CACNA1S: variants seen among roughly 807,000 people sequenced by gnomAD.
CACNA1S encodes voltage-dependent L-type calcium channel subunit alpha-1S.
Under a neutral mutation model 207.4 loss-of-function variants are expected in CACNA1S, and 126 were observed. The ratio of observed to expected loss-of-function variants is 0.61; its 90% CI spans 0.53 to 0.70. CACNA1S has a LOEUF of 0.70. Among genes scored for constraint, CACNA1S ranks in the 30% least tolerant of loss-of-function variants. The pLI is 0.00. For missense variants in CACNA1S, 2,349 were observed against 2,422.8 expected (o/e 0.97, Z 0.64); for synonymous variants, 960 against 932.7 (o/e 1.03, Z -0.53).
At chr1:201,102,272 C>T (rs1662702733) in intron 2 of CACNA1S, among the ~76,000 whole-genome samples, 1 of 152,120 alleles carries the variant, frequency 6.6e-6, no homozygotes, top group Non-Finnish European at 1.5e-5. Context: ...ACAGCAGAGG[C>T]CAGACACTCT....
At chr1:201,105,497 C>A (rs1174390855) in intron 2 of CACNA1S, among the ~76,000 whole-genome samples, 1 of 152,194 alleles carries the variant, frequency 6.6e-6, no homozygotes, top group Non-Finnish European at 1.5e-5. Flanking sequence ...GGCTCAAAAG[C>A]AGATTCTAGC....
In CACNA1S at chr1:201,043,454, CTGAT is replaced by C. The variant is rs1572019465; in HGVS notation, c.4871_4874del (p.Asn1624ArgfsTer9). The stretch of plus-strand genomic sequence containing the variant: ...CTATCTCAGCAAACTGGAGGGGTCT[CTGAT>C]TGGCCATGACGGGGGGCAGGGAGTT... On this transcript the variant is annotated frameshift_variant, in exon 40 of 44. Coordinates refer to ENST00000362061, the MANE Select transcript of CACNA1S (RefSeq NM_000069.3). LOFTEE classifies it high-confidence loss of function. 2 of 1,614,112 alleles carry C rather than the reference CTGAT, an allele frequency of 1.2e-6. No homozygotes were observed. The highest frequency in any genetic ancestry group is 1.7e-6 in the Non-Finnish European group (2 of 1,180,026).
At chr1:201,059,081 C>T (rs748351521) in intron 27 of CACNA1S, 108 bp downstream of exon 27, 85 of 718,330 alleles carry the variant, frequency 1.2e-4, no homozygotes, top group Non-Finnish European at 1.6e-4. Context: ...AGCAGAAGTG[C>T]TGGGCAAAGG....
chr1:201,077,114 G>A lies in CACNA1S; in HGVS notation c.1633C>T (p.Leu545=). 3 of 1,614,060 alleles carry A rather than the reference G, an allele frequency of 1.9e-6. No individual in the cohort carries two copies. The highest frequency in any genetic ancestry group is 2.5e-6 in the Non-Finnish European group (3 of 1,179,934). Residue 545 remains leucine (L), a synonymous_variant, in exon 12 of 44, where the codon CTG becomes TTG. Transcript: ENST00000362061. ...AGCAGGGATGCCACCAGGTTGCTCAGCGACGTCCAATATCTGAAGGAAGAG... is the reference window on the plus strand; with the variant it reads ...AGCAGGGATGCCACCAGGTTGCTCAACGACGTCCAATATCTGAAGGAAGAG... ...IFKITKYWTS[L]SNLVASLLNS... is the part of the protein sequence containing the mutation.
intron 2 of CACNA1S, among the ~76,000 whole-genome samples, chr1:201,107,663 G>C (rs912232497): frequency 2.0e-5 from 3 of 152,174 alleles, no homozygotes; most frequent in Non-Finnish European, 4.4e-5. Context: ...ACCCTTCTCT[G>C]CTACCTACAA....
At chr1:201,081,827 C>T (rs1341758920) in intron 10 of CACNA1S, among the ~76,000 whole-genome samples, 1 of 152,082 alleles carries the variant, frequency 6.6e-6, no homozygotes, top group Non-Finnish European at 1.5e-5. Context: ...GTGTGTGGCA[C>T]CTCCCCTCCC....
chr1:201,047,032 C>A, intron 38 of CACNA1S, 83 bp downstream of exon 38: 1 of 1,579,980 alleles, frequency 6.3e-7, no homozygotes, highest in Non-Finnish European at 8.7e-7. Flanking sequence ...TCATTGGCCC[C>A]TCAAGGACAT....
Position 201,066,783 on chromosome 1 carries a change from TC to T in CACNA1S, c.2657+103del. 2.3e-6 allele frequency: 2 copies of T among 854,558 alleles called. No homozygotes were observed. Among genetic ancestry groups the T allele is most frequent in the South Asian group, 2.8e-5 (2 of 71,394 alleles). 52.9% of individuals were successfully genotyped at this position (854,558 alleles called of 1,614,324 possible). A position where few individuals can be genotyped will look rare whatever the true frequency, so the allele number is the denominator to read the frequency against. On this transcript the variant is annotated intron_variant, in intron 20 of 43. Coordinates refer to ENST00000362061, the MANE Select transcript of CACNA1S (RefSeq NM_000069.3). This position sits in a 1 kb window ranked among gnomAD's most constrained non-coding sequence, Gnocchi z 4.3. ...CATCGGAGGCCCCGAGAGACCCTCC[TC>T]TTGTGGCAGGGGCCCACCAACATGG... is the stretch of plus-strand genomic sequence containing the variant.
rs1391966061 is a variant in CACNA1S, at chr1:201,066,189, C to A, written c.2745+40G>T. 12 of 1,585,936 alleles carry A rather than the reference C, an allele frequency of 7.6e-6. No homozygotes were observed. The highest frequency in any genetic ancestry group is 1.0e-5 in the Non-Finnish European group (12 of 1,154,462). ...GAGCGAGGAGGCCCCTGTAACCCCT[C>A]CCATTCCTCTCTGGGGCTCCTGCCC... On this transcript the variant is annotated intron_variant, in intron 21 of 43. Coordinates refer to ENST00000362061, the MANE Select transcript of CACNA1S (RefSeq NM_000069.3). This position sits in a 1 kb window ranked among gnomAD's most constrained non-coding sequence, Gnocchi z 4.3.
At position 201,054,512 on chromosome 1, in the gene CACNA1S, C is replaced by T. The variant is rs766702048; in HGVS notation, c.3659G>A (p.Gly1220Glu). 1 of 1,613,904 alleles carries T rather than the reference C, an allele frequency of 6.2e-7. No homozygotes were observed. The highest frequency in any genetic ancestry group is 2.2e-5 in the East Asian group (1 of 44,870). The part of the protein sequence containing the change: ...GGLYCLGGGC[G>E]NVDPDESARI... ...CGTGCAGCCTGAAATTACAACGTTCCCGCAGCCTCCACCCAGGCAATACAG... is the reference window on the plus strand; with the variant it reads ...CGTGCAGCCTGAAATTACAACGTTCTCGCAGCCTCCACCCAGGCAATACAG... The change falls in exon 29 of 44, where the codon GGG becomes GAG. Residue 1220 changes from glycine (G) to glutamate (E), a missense_variant. Gly to Glu is a moderately conservative substitution (Grantham distance 98, BLOSUM62 -2). Transcript: ENST00000362061.
At chr1:201,063,282 A>C (rs1661133844) in intron 22 of CACNA1S, among the ~76,000 whole-genome samples, 2 of 151,476 alleles carry the variant, frequency 1.3e-5, no homozygotes, top group Non-Finnish European at 2.9e-5. Flanking sequence ...TTTGAAGGAA[A>C]GTAGTGGATG....
chr1:201,087,692 C>A, intron 7 of CACNA1S, 134 bp downstream of exon 7: 3 of 688,568 alleles, frequency 4.4e-6, no homozygotes, highest in Non-Finnish European at 7.8e-6. Flanking sequence ...CTTCCTCCTC[C>A]TCCCTTCTCT....
Position 201,066,760 on chromosome 1 carries a change from T to G in CACNA1S, c.2657+127A>C. On this transcript the variant is annotated intron_variant, in intron 20 of 43. Transcript: ENST00000362061. This position sits in a 1 kb window ranked among gnomAD's most constrained non-coding sequence, Gnocchi z 4.3. ...CAACCCACAGGACCCCCTGCCTCCATCGGAGGCCCCGAGAGACCCTCCTCT... is the reference window on the plus strand; with the variant it reads ...CAACCCACAGGACCCCCTGCCTCCAGCGGAGGCCCCGAGAGACCCTCCTCT... 1 of 737,254 alleles carries G rather than the reference T, an allele frequency of 1.4e-6. No individual in the cohort carries two copies. Among genetic ancestry groups the G allele is most frequent in the Non-Finnish European group, 2.4e-6 (1 of 411,002 alleles). 45.7% of individuals were successfully genotyped at this position (737,254 alleles called of 1,614,324 possible).
intron 24 of CACNA1S, 46 bp from the exon 25 acceptor site, chr1:201,061,514 G>A: frequency 6.4e-7 from 1 of 1,571,116 alleles, no homozygotes; most frequent in East Asian, 2.2e-5. Context: ...GGGGTGACAA[G>A]GCAGAGAGTC....
chr1:201,054,131 C>T (rs1660750086), intron 29 of CACNA1S, among the ~76,000 whole-genome samples: 1 of 152,370 alleles, frequency 6.6e-6, no homozygotes, highest in Non-Finnish European at 1.5e-5. Context: ...ACGAAATACT[C>T]TGGAAGGGGA....
intron 2 of CACNA1S, among the ~76,000 whole-genome samples, chr1:201,105,045 G>T (rs1171413930): frequency 1.3e-5 from 2 of 152,258 alleles, no homozygotes; most frequent in Non-Finnish European, 2.9e-5. Context: ...GAATGTCATT[G>T]TTGCTGCTGC....
At chr1:201,067,537 G>A (rs961137824) in intron 19 of CACNA1S, among the ~76,000 whole-genome samples, 6 of 152,160 alleles carry the variant, frequency 3.9e-5, no homozygotes, top group South Asian at 2.1e-4. Flanking sequence ...CCTTAAAATC[G>A]AACAGGGTTG....
At chr1:201,107,456 T>G (rs1246860961) in intron 2 of CACNA1S, among the ~76,000 whole-genome samples, 2 of 152,252 alleles carry the variant, frequency 1.3e-5, no homozygotes, top group Non-Finnish European at 2.9e-5. Flanking sequence ...ATTTACTTGT[T>G]TAATCCATGT....
At chr1:201,048,887 G>A (rs1389847408) in intron 35 of CACNA1S, 116 bp downstream of exon 35, 7 of 909,598 alleles carry the variant, frequency 7.7e-6, no homozygotes, top group Admixed American at 2.0e-5. Context: ...GGAACTTGGG[G>A]ACCCAGGAGA....
Sources: allele counts gnomAD v4.1 joint callset (sites outside exome capture counted in the v4.1 genomes callset), GRCh38; gene constraint gnomAD v4.1.1; non-coding constraint Gnocchi (gnomAD v3.1); transcripts MANE v1.5; gene names NCBI Gene and HGNC (gene_info 2026-07-23, HGNC 2026-07-21).